The following NUP210 variants were observed in gnomAD, a reference collection of about 807,000 sequenced individuals.
NUP210 encodes nuclear pore membrane glycoprotein 210.
In NUP210, 151 loss-of-function variants were observed where a neutral mutation model predicts 196.0. The observed-to-expected ratio is 0.77, with a 90% CI of 0.67 to 0.88. The LOEUF is 0.88. Among genes scored for constraint, NUP210 ranks in the 40% least tolerant of loss-of-function variants. The pLI, the probability that NUP210 is intolerant of heterozygous loss-of-function variation, is 0.00. For synonymous variants in NUP210, 1,070 were observed against 1,052.7 expected (o/e 1.02, Z -0.32); for missense variants, 2,314 against 2,493.7 (o/e 0.93, Z 1.53).
intron 6 of NUP210, 71 bp downstream of exon 6, chr3:13,386,204 T>G (rs1699267710): frequency 3.3e-6 from 5 of 1,536,630 alleles, no homozygotes; most frequent in Non-Finnish European, 4.4e-6. Context: ...TAAATTTTGT[T>G]ACATGTATGT....
chr3:13,317,711 C>A lies in NUP210; in HGVS notation c.5634G>T (p.Gly1878=). The A allele has an allele frequency of 6.2e-7, 1 of 1,611,126 alleles. No homozygotes were observed. The highest frequency in any genetic ancestry group is 2.2e-5 in the East Asian group (1 of 44,796). ...PPARKASPPS[G]LWSPAYASH ...GGGAGGCATAGGCTGGGCTCCACAG[C>A]CCTGAGGGAGGGCTGGCTTTGCGAG... Residue 1878 remains glycine, a synonymous_variant, in exon 40 of 40, where the codon GGG becomes GGT. Transcript: ENST00000254508.
chr3:13,382,056 G>A (rs576165511), intron 6 of NUP210, among the ~76,000 whole-genome samples: 8 of 152,306 alleles, frequency 5.3e-5, no homozygotes, highest in Admixed American at 5.2e-4. Context: ...CTGAGTCTCT[G>A]ACACATGAAC....
At chr3:13,318,462 T>C (rs1696365027) in intron 39 of NUP210, among the ~76,000 whole-genome samples, 1 of 152,132 alleles carries the variant, frequency 6.6e-6, no homozygotes, top group Non-Finnish European at 1.5e-5. Context: ...GGCCCCCATG[T>C]CAGCAGACAC....
Position 13,348,045 on chromosome 3 carries a change from C to T in NUP210, c.2835+3834G>A, listed in dbSNP as rs1458916948. Among the ~76,000 whole-genome samples the T allele has an allele frequency of 2.0e-5, 3 of 152,244 alleles. No individual in the cohort carries two copies. The highest frequency in any genetic ancestry group is 4.4e-5 in the Non-Finnish European group (3 of 68,048). ...GGAGACTCGTCCCGGGTCCTGCCTG[C>T]AATGGGCACTCTGTGCCACTCAACC... On this transcript the variant is annotated intron_variant, in intron 20 of 39. Transcript: ENST00000254508. This position sits in a 1 kb window ranked among gnomAD's most constrained non-coding sequence, Gnocchi z 4.0.
chr3:13,354,858 T>C (rs1177500161), intron 16 of NUP210, among the ~76,000 whole-genome samples: 2 of 152,200 alleles, frequency 1.3e-5, no homozygotes, highest in Admixed American at 6.5e-5. Flanking sequence ...AATCCTGGAT[T>C]CCCACCACTC....
At position 13,336,877 on chromosome 3, in the gene NUP210, A is replaced by G. The variant is rs760073754; in HGVS notation, c.3594T>C (p.Pro1198=). The G allele has an allele frequency of 4.3e-6, 7 of 1,613,648 alleles. No homozygotes were observed. The highest frequency in any genetic ancestry group is 5.9e-6 in the Non-Finnish European group (7 of 1,179,812). ...YVTGITNHQN[P]FSFGNAVPGL... ...CTGGCACGGCATTGCCAAAGGAGAA[A>G]GGGTTCTGGTGGTTGGTGATGCCGG... The change falls in exon 27 of 40, where the codon CCT becomes CCC. Residue 1198 remains proline (P), a synonymous_variant. Coordinates refer to ENST00000254508, the MANE Select transcript of NUP210 (RefSeq NM_024923.4).
At chr3:13,344,792 G>T in intron 20 of NUP210, 1 of 277,960 alleles carries the variant, frequency 3.6e-6, no homozygotes. Flanking sequence ...CATACAGACA[G>T]CTTGCTGCTG....
At chr3:13,419,237 G>C (rs1409150386) in intron 1 of NUP210, among the ~76,000 whole-genome samples, 3 of 152,202 alleles carry the variant, frequency 2.0e-5, no homozygotes, top group Non-Finnish European at 4.4e-5. Context: ...CCCCTAGGAC[G>C]GCTGGGCTGG....
chr3:13,373,794 G>A lies in NUP210; in HGVS notation c.1511C>T (p.Thr504Ile). ...ACTGAACCCGATGTCACTGCCTGTGGTCATCACGCCCTTGACAGTAACTGT... is the reference window on the plus strand; with the variant it reads ...ACTGAACCCGATGTCACTGCCTGTGATCATCACGCCCTTGACAGTAACTGT... ...VATVTVKGVMTTGSDIGFSVI... is the reference protein window; with the variant it reads ...VATVTVKGVMITGSDIGFSVI... The change falls in exon 12 of 40, where the codon ACC becomes ATC. Residue 504 changes from threonine to isoleucine, a missense_variant. Transcript: ENST00000254508. 3 of 1,614,148 alleles carry A rather than the reference G, an allele frequency of 1.9e-6. No homozygotes were observed. The highest frequency in any genetic ancestry group is 2.5e-6 in the Non-Finnish European group (3 of 1,180,020).
chr3:13,339,304 T>A (rs1697361618), intron 25 of NUP210, among the ~76,000 whole-genome samples: 1 of 152,156 alleles, frequency 6.6e-6, no homozygotes, highest in Admixed American at 6.5e-5. Flanking sequence ...TCATGAGGAA[T>A]GGTATGACTG....
intron 1 of NUP210, among the ~76,000 whole-genome samples, chr3:13,417,670 CT>C (rs1406954396): frequency 6.6e-6 from 1 of 152,180 alleles, no homozygotes; most frequent in Non-Finnish European, 1.5e-5. Flanking sequence ...GACAGAATGT[CT>C]TCCTGTCAAG....
In NUP210 at chr3:13,349,729, C is replaced by T. The variant is rs932038919; in HGVS notation, c.2835+2150G>A. Among the ~76,000 whole-genome samples, 6 of 152,210 alleles carry T rather than the reference C, an allele frequency of 3.9e-5. No individual in the cohort carries two copies. The South Asian group carries it at 1.0e-3, about 26-fold the overall frequency. ...TGCTCCTGAAGGAACTGACTTCATG[C>T]GCAACAGAGCTCGGAGAAGTCCAAG... On this transcript the variant is annotated intron_variant, in intron 20 of 39. Coordinates refer to ENST00000254508, the MANE Select transcript of NUP210 (RefSeq NM_024923.4).
Position 13,360,284 on chromosome 3 carries a change from C to T in NUP210, c.2140G>A (p.Ala714Thr). 1 of 1,614,156 alleles carries T rather than the reference C, an allele frequency of 6.2e-7. No homozygotes were observed. The highest frequency in any genetic ancestry group is 8.5e-7 in the Non-Finnish European group (1 of 1,179,984). Residue 714 changes from alanine to threonine, a missense_variant, in exon 15 of 40, where the codon GCC (alanine) becomes ACC (threonine). Coordinates refer to ENST00000254508, the MANE Select transcript of NUP210 (RefSeq NM_024923.4). ...QQHWILVTCQ[A>T]LGEQVIALSV... The stretch of plus-strand genomic sequence containing the variant: ...TGCCCACTCACCTGCTCACCCAAGG[C>T]CTGACAGGTCACAAGGATCCAGTGT...
At chr3:13,407,547 C>T (rs9882782) in intron 1 of NUP210, among the ~76,000 whole-genome samples, 4,001 of 152,228 alleles carry the variant, frequency 0.026, 190 homozygotes, top group African/African-American at 0.092. Flanking sequence ...TCAAATCTAA[C>T]CTCTTTTCCA....
At position 13,341,793 on chromosome 3, in the gene NUP210, G is replaced by A. The variant is rs756911984; in HGVS notation, c.3183C>T (p.Thr1061=). 5.6e-6 allele frequency: 9 copies of A among 1,614,180 alleles called. No individual in the cohort carries two copies. In the South Asian group the frequency reaches 6.6e-5, roughly 12 times the overall value. Residue 1061 remains threonine, a synonymous_variant, in exon 23 of 40, where the codon ACC becomes ACT. Transcript: ENST00000254508. ...AGTTGATTCTCTGTCCAGCTTTATT[G>A]GTCACACTTGCAGTTAGACTGGTCT... is the stretch of plus-strand genomic sequence containing the variant. ...IGQTSLTASV[T]NKAGQRINSA... is the part of the protein sequence containing the mutation.
chr3:13,333,282 CCT>C (rs753869489), intron 28 of NUP210, among the ~76,000 whole-genome samples: 9 of 152,230 alleles, frequency 5.9e-5, no homozygotes, highest in Non-Finnish European at 1.3e-4. Flanking sequence ...GTGTAAGTCC[CCT>C]CTCTCAGGCC....
chr3:13,355,305 G>A (rs1698131556), intron 16 of NUP210, among the ~76,000 whole-genome samples: 1 of 152,158 alleles, frequency 6.6e-6, no homozygotes, highest in African/African-American at 2.4e-5. Flanking sequence ...CACTTGTTCT[G>A]GCCAGTGAAA....
At chr3:13,365,097 A>G (rs1170142695) in intron 14 of NUP210, among the ~76,000 whole-genome samples, 3 of 152,206 alleles carry the variant, frequency 2.0e-5, no homozygotes, top group Admixed American at 6.5e-5. Flanking sequence ...CCTGCAAGCT[A>G]GGCAGAGTTC....
intron 28 of NUP210, among the ~76,000 whole-genome samples, chr3:13,334,102 A>G (rs1245691513): frequency 2.0e-5 from 3 of 152,196 alleles, no homozygotes; most frequent in Admixed American, 6.5e-5. Context: ...CTATCTTTAC[A>G]TGACAACAAG....
Sources: allele counts gnomAD v4.1 joint callset (sites outside exome capture counted in the v4.1 genomes callset), GRCh38; gene constraint gnomAD v4.1.1; non-coding constraint Gnocchi (gnomAD v3.1); transcripts MANE v1.5; gene names NCBI Gene and HGNC (gene_info 2026-07-23, HGNC 2026-07-21).